Variants in REDIC1 observed in about 807,000 individuals in gnomAD.
REDIC1 encodes HEI10 Interacting Protein 1.
chr12:39,652,213 T>C, the REDIC1 span, among the ~76,000 whole-genome samples: 1 of 152,176 alleles, frequency 6.6e-6, no homozygotes, highest in African/African-American at 2.4e-5. Context: ...TGACAGTTCA[T>C]GTATAAGTCT....
the REDIC1 span, among the ~76,000 whole-genome samples, chr12:39,734,391 G>A: frequency 3.9e-3 from 590 of 152,220 alleles, 4 homozygotes; most frequent in African/African-American, 0.013. Flanking sequence ...TTTCTTAATG[G>A]TGTCTTTTGA....
the REDIC1 span, chr12:39,759,938 C>A: frequency 1.1e-6 from 1 of 937,928 alleles, no homozygotes; most frequent in East Asian, 2.5e-5. Flanking sequence ...TGGAAAGAAC[C>A]AGATTAGAAG....
chr12:39,884,669 C>G, the REDIC1 span, among the ~76,000 whole-genome samples: 1 of 152,106 alleles, frequency 6.6e-6, no homozygotes, highest in South Asian at 2.1e-4. Flanking sequence ...ATACATATAA[C>G]AAGGACACAC....
At chr12:39,827,041 C>T in the REDIC1 span, among the ~76,000 whole-genome samples, 1 of 150,424 alleles carries the variant, frequency 6.6e-6, no homozygotes, top group Admixed American at 6.6e-5. Flanking sequence ...AACTTTTGCA[C>T]CAGCCTGATA....
chr12:39,870,987 T>C, the REDIC1 span, among the ~76,000 whole-genome samples: 1 of 152,226 alleles, frequency 6.6e-6, no homozygotes, highest in Non-Finnish European at 1.5e-5. Context: ...GAAACTATCT[T>C]TTAATGGAAA....
At chr12:39,761,624 A>G in the REDIC1 span, among the ~76,000 whole-genome samples, 5 of 15,708 alleles carry the variant, frequency 3.2e-4, no homozygotes, top group African/African-American at 1.4e-3. Context: ...GAATGGGGGA[A>G]TTTTGACAAA....
At chr12:39,821,912 ATAT>A in the REDIC1 span, among the ~76,000 whole-genome samples, 8 of 152,098 alleles carry the variant, frequency 5.3e-5, no homozygotes, top group South Asian at 4.1e-4. Flanking sequence ...AATGAAAAGA[ATAT>A]TATTAATTTT....
the REDIC1 span, among the ~76,000 whole-genome samples, chr12:39,711,618 T>A: frequency 7.6e-4 from 59 of 77,658 alleles, 1 homozygote; most frequent in Non-Finnish European, 1.5e-3. Flanking sequence ...CATGTGTATG[T>A]GTATACACGT....
At chr12:39,771,033 G>A in the REDIC1 span, among the ~76,000 whole-genome samples, 1 of 152,052 alleles carries the variant, frequency 6.6e-6, no homozygotes, top group Non-Finnish European at 1.5e-5. Context: ...GTTAGAGAAC[G>A]TACACAAAGA....
the REDIC1 span, among the ~76,000 whole-genome samples, chr12:39,637,011 T>C: frequency 6.6e-6 from 1 of 152,004 alleles, no homozygotes; most frequent in Non-Finnish European, 1.5e-5. Context: ...AGAAATGCCC[T>C]GATGCGTTTC....
the REDIC1 span, chr12:39,721,291 C>T: frequency 5.9e-6 from 9 of 1,527,216 alleles, no homozygotes; most frequent in Non-Finnish European, 8.0e-6. Flanking sequence ...ATTTCACTTG[C>T]CCTTAGAAAA....
chr12:39,717,429 T>C, the REDIC1 span, among the ~76,000 whole-genome samples: 2 of 151,990 alleles, frequency 1.3e-5, no homozygotes, highest in Non-Finnish European at 2.9e-5. Context: ...AGAAAAGATA[T>C]ATTTACTATT....
the REDIC1 span, among the ~76,000 whole-genome samples, chr12:39,864,379 A>G: frequency 6.6e-5 from 10 of 152,244 alleles, no homozygotes; most frequent in African/African-American, 2.2e-4. Context: ...GGGCATGTGC[A>G]TCTTGTAAAA....
chr12:39,899,303 T>G, the REDIC1 span, among the ~76,000 whole-genome samples: 5 of 152,220 alleles, frequency 3.3e-5, no homozygotes, highest in Admixed American at 2.0e-4. Context: ...TGGTAGTTTG[T>G]ATTTCTGTGG....
chr12:39,697,907 T>C, the REDIC1 span, among the ~76,000 whole-genome samples: 16 of 152,174 alleles, frequency 1.1e-4, no homozygotes, highest in African/African-American at 3.4e-4. Context: ...TCTTTACTTA[T>C]CAATAATGAC....
chr12:39,761,772 G>C, the REDIC1 span, among the ~76,000 whole-genome samples: 1 of 152,012 alleles, frequency 6.6e-6, no homozygotes, highest in Non-Finnish European at 1.5e-5. Flanking sequence ...GAAAAAATAA[G>C]TACAGATGGT....
At chr12:39,724,514 G>A in the REDIC1 span, among the ~76,000 whole-genome samples, 3 of 152,150 alleles carry the variant, frequency 2.0e-5, no homozygotes, top group Admixed American at 1.3e-4. Flanking sequence ...ACCTCTATGC[G>A]TTTCTTGAAA....
the REDIC1 span, among the ~76,000 whole-genome samples, chr12:39,752,408 T>C: frequency 8.0e-3 from 1,212 of 152,232 alleles, 18 homozygotes; most frequent in African/African-American, 0.028. Context: ...CCCAACACCA[T>C]TCCCCCATCA....
At chr12:39,627,928 AGTT>A in the REDIC1 span, among the ~76,000 whole-genome samples, 1 of 152,192 alleles carries the variant, frequency 6.6e-6, no homozygotes, top group African/African-American at 2.4e-5. Flanking sequence ...ACAGTAGTGA[AGTT>A]GTGAGAAGCT....
Sources: gnomAD v4.1 joint callset for allele counts (sites outside exome capture counted in the v4.1 genomes callset) on GRCh38, gnomAD v4.1.1 for gene constraint, MANE v1.5 for transcripts, NCBI Gene and HGNC (gene_info 2026-07-23, HGNC 2026-07-21) for gene names.